The following COL23A1 variants were observed in gnomAD, a reference collection of about 807,000 sequenced individuals.
The protein encoded by COL23A1 is collagen type XXIII alpha 1 chain.
Under a neutral mutation model 99.3 loss-of-function variants are expected in COL23A1, and 97 were observed. That is an observed-to-expected ratio of 0.98 (90% CI 0.83 to 1.16). The LOEUF (loss-of-function observed/expected upper bound fraction) is 1.16. Among genes scored for constraint, COL23A1 ranks in the 50% most tolerant of loss-of-function variants. The pLI, the probability that COL23A1 is intolerant of heterozygous loss-of-function variation, is 0.00. For missense variants in COL23A1, 762 were observed against 757.4 expected (o/e 1.01, Z -0.07); for synonymous variants, 320 against 308.2 (o/e 1.04, Z -0.40).
At chr5:178,369,542 C>T (rs929984572) in intron 2 of COL23A1, among the ~76,000 whole-genome samples, 2 of 152,138 alleles carry the variant, frequency 1.3e-5, no homozygotes, top group African/African-American at 4.8e-5. Flanking sequence ...TTGAATTGAA[C>T]GTGTTGTGGA....
intron 2 of COL23A1, among the ~76,000 whole-genome samples, chr5:178,453,547 A>G (rs561574522): frequency 6.6e-6 from 1 of 152,250 alleles, no homozygotes; most frequent in African/African-American, 2.4e-5. Flanking sequence ...TCAGCTGACC[A>G]AGGAATCTAC....
intron 2 of COL23A1, among the ~76,000 whole-genome samples, chr5:178,451,656 CAAA>C (rs5873614): frequency 9.5e-6 from 1 of 105,590 alleles, no homozygotes; most frequent in Non-Finnish European, 1.8e-5. Context: ...AACTCCATCT[CAAA>C]AAAAAAAAAA....
At chr5:178,453,478 G>A (rs755167256) in intron 2 of COL23A1, among the ~76,000 whole-genome samples, 3 of 152,106 alleles carry the variant, frequency 2.0e-5, no homozygotes, top group Middle Eastern at 3.2e-3. Flanking sequence ...CTGGCCATGC[G>A]GGTTTGGAAT....
At chr5:178,555,866 G>C (rs1450538326) in intron 2 of COL23A1, among the ~76,000 whole-genome samples, 1 of 152,148 alleles carries the variant, frequency 6.6e-6, no homozygotes, top group Non-Finnish European at 1.5e-5. Flanking sequence ...GAGGCTTCAG[G>C]ACCCACCTGG....
intron 2 of COL23A1, among the ~76,000 whole-genome samples, chr5:178,327,129 T>A (rs1759731382): frequency 6.6e-6 from 1 of 152,246 alleles, no homozygotes; most frequent in Non-Finnish European, 1.5e-5. Flanking sequence ...AAATTAGCAA[T>A]CTTTGTTCAT....
chr5:178,249,988 C>T (rs1178323303), intron 18 of COL23A1, 73 bp downstream of exon 18: 1 of 1,071,898 alleles, frequency 9.3e-7, no homozygotes, highest in Non-Finnish European at 1.3e-6. Flanking sequence ...TGCACACGCA[C>T]ACACACACAC....
intron 16 of COL23A1, among the ~76,000 whole-genome samples, chr5:178,254,293 C>T (rs547842736): frequency 4.8e-4 from 73 of 152,344 alleles, no homozygotes; most frequent in Non-Finnish European, 1.3e-4. Flanking sequence ...CGCCACGCCA[C>T]GCCACACCAT....
At chr5:178,381,491 T>C (rs528919767) in intron 2 of COL23A1, among the ~76,000 whole-genome samples, 1 of 152,194 alleles carries the variant, frequency 6.6e-6, no homozygotes, top group African/African-American at 2.4e-5. Context: ...GGTCTGTGGG[T>C]GGTTTCACCT....
At chr5:178,358,348 TTG>T (rs141314279) in intron 2 of COL23A1, among the ~76,000 whole-genome samples, 14,236 of 148,898 alleles carry the variant, frequency 0.096, 857 homozygotes, top group Middle Eastern at 0.24. Flanking sequence ...AATGTGTGTA[TTG>T]TGTGTATGTG....
intron 2 of COL23A1, among the ~76,000 whole-genome samples, chr5:178,512,165 C>A (rs146562984): frequency 3.9e-5 from 6 of 152,164 alleles, no homozygotes; most frequent in African/African-American, 1.4e-4. Flanking sequence ...ACAGCCTAAG[C>A]GTCCACCTGT....
At chr5:178,358,627 A>G (rs1051656748) in intron 2 of COL23A1, among the ~76,000 whole-genome samples, 1 of 133,266 alleles carries the variant, frequency 7.5e-6, no homozygotes. Flanking sequence ...GTATGTGTGT[A>G]TGTGTCTAGT....
intron 1 of COL23A1, among the ~76,000 whole-genome samples, chr5:178,581,882 T>C (rs995510751): frequency 2.0e-5 from 3 of 152,170 alleles, no homozygotes; most frequent in African/African-American, 7.2e-5. Flanking sequence ...AAAAATGGTA[T>C]GCATTCTGTG....
At chr5:178,267,201 G>A in intron 8 of COL23A1, 106 bp downstream of exon 8, 1 of 1,274,364 alleles carries the variant, frequency 7.8e-7, no homozygotes, top group Non-Finnish European at 1.1e-6. Context: ...GCCTCTTTCT[G>A]TGATGAGCTG....
intron 5 of COL23A1, among the ~76,000 whole-genome samples, chr5:178,286,580 C>T (rs1757163830): frequency 6.6e-6 from 1 of 152,238 alleles, no homozygotes; most frequent in African/African-American, 2.4e-5. Context: ...TTTCCTTTCC[C>T]CAGGCTTCAC....
intron 2 of COL23A1, among the ~76,000 whole-genome samples, chr5:178,485,210 C>T (rs1442727710): frequency 5.9e-5 from 9 of 152,078 alleles, no homozygotes; most frequent in South Asian, 2.1e-4. Context: ...TGGTGGCTCA[C>T]GCCTGTAATC....
chr5:178,441,340 T>C lies in COL23A1; in HGVS notation c.361+119342A>G, dbSNP rs147736187. 7.2e-5 allele frequency among the ~76,000 whole-genome samples: 11 copies of C among 152,358 alleles called. No individual in the cohort carries two copies. In the East Asian group the frequency reaches 1.9e-3, roughly 27 times the overall value. On this transcript the variant is annotated intron_variant, in intron 2 of 28. Coordinates refer to ENST00000390654, the MANE Select transcript of COL23A1 (RefSeq NM_173465.4). ...AACTAATACATACACGTGCATTTTTTAGAGTGAAGATATATAGCCTAAAAA... is the reference window on the plus strand; with the variant it reads ...AACTAATACATACACGTGCATTTTTCAGAGTGAAGATATATAGCCTAAAAA...
At chr5:178,505,674 G>C (rs528271946) in intron 2 of COL23A1, among the ~76,000 whole-genome samples, 1 of 152,252 alleles carries the variant, frequency 6.6e-6, no homozygotes, top group South Asian at 2.1e-4. Context: ...GCAGGTACCA[G>C]AAGTTAGGAC....
In COL23A1 at chr5:178,439,734, T is replaced by C. The variant is rs949433634; in HGVS notation, c.361+120948A>G. 1.3e-5 allele frequency: 2 copies of C among 152,228 alleles called. No individual in the cohort carries two copies. Among genetic ancestry groups the C allele is most frequent in the East Asian group, 1.9e-4 (1 of 5,200 alleles). The allele number at this position is 152,228 out of a possible 1,614,324, so 9.4% of individuals were successfully genotyped here. On this transcript the variant is annotated intron_variant, in intron 2 of 28. Coordinates refer to ENST00000390654, the MANE Select transcript of COL23A1 (RefSeq NM_173465.4). The surrounding 1 kb of genome is among the most constrained non-coding windows in gnomAD (Gnocchi z 4.2). ...CGGGAGAAATGAAAACATACGTCCATACAACTCAGATGCAAATGCTCATAG... is the reference window on the plus strand; with the variant it reads ...CGGGAGAAATGAAAACATACGTCCACACAACTCAGATGCAAATGCTCATAG...
intron 2 of COL23A1, among the ~76,000 whole-genome samples, chr5:178,502,281 G>T (rs181356633): frequency 6.6e-6 from 1 of 152,084 alleles, no homozygotes; most frequent in East Asian, 1.9e-4. Flanking sequence ...ACAGGCGCCC[G>T]CCACCACGCC....
Sources: gnomAD v4.1 joint callset for allele counts (sites outside exome capture counted in the v4.1 genomes callset) on GRCh38, gnomAD v4.1.1 for gene constraint, Gnocchi (gnomAD v3.1) non-coding constraint, MANE v1.5 for transcripts, NCBI Gene and HGNC (gene_info 2026-07-23, HGNC 2026-07-21) for gene names.